Variants in TENM2 observed in about 807,000 individuals in gnomAD.
The protein encoded by TENM2 is teneurin transmembrane protein 2, also known as teneurin-2.
TENM2 carries 52 observed loss-of-function variants against 245.2 expected under a neutral mutation model. The observed-to-expected ratio is 0.21, with a 90% confidence interval of 0.17 to 0.27. The LOEUF (loss-of-function observed/expected upper bound fraction) is 0.27. Among genes scored for constraint, TENM2 ranks in the 10% least tolerant of loss-of-function variants. The pLI, the probability that TENM2 is intolerant of heterozygous loss-of-function variation, is 1.00. For synonymous variants in TENM2, 1,363 were observed against 1,438.9 expected, an observed-to-expected ratio of 0.95 and a Z score of 1.19; for missense variants, 3,046 against 3,666.8, an observed-to-expected ratio of 0.83 and a Z score of 4.37.
At chr5:167,127,681 A>C in the TENM2 span, among the ~76,000 whole-genome samples, 1 of 150,778 alleles carries the variant, frequency 6.6e-6, no homozygotes, top group Admixed American at 6.6e-5. Flanking sequence ...TAATTACTTT[A>C]ATGAGCCTCT....
chr5:167,853,289 C>CAAAAAAAAAAAAAAAAAAAAAAAA lies in TENM2; in HGVS notation c.503-22674_503-22673insAAAAAAAAAAAAAAAAAAAAAAAA, dbSNP rs777170514. On this transcript the variant is annotated intron_variant, in intron 2 of 28. Transcript: ENST00000518659. ...TGGGAGACAGAGCGAGACTCCGTCT[C>CAAAAAAAAAAAAAAAAAAAAAAAA]AAAAAAAAAAAAAAAAAAAAAAAGA... Among the ~76,000 whole-genome samples, 25 of 24,612 alleles carry CAAAAAAAAAAAAAAAAAAAAAAAA rather than the reference C, an allele frequency of 1.0e-3. 3 individuals are homozygous for CAAAAAAAAAAAAAAAAAAAAAAAA. The highest frequency in any genetic ancestry group is 2.5e-3 in the South Asian group (1 of 400). 16.1% of individuals were successfully genotyped at this position (24,612 alleles called of 152,430 possible).
the TENM2 span, among the ~76,000 whole-genome samples, chr5:166,995,338 C>T: frequency 6.6e-6 from 1 of 151,884 alleles, no homozygotes; most frequent in Non-Finnish European, 1.5e-5. Flanking sequence ...CTCCCAGGTT[C>T]ACGCCATTCT....
chr5:168,120,563 A>T (rs548537562), intron 10 of TENM2, among the ~76,000 whole-genome samples: 1 of 152,322 alleles, frequency 6.6e-6, no homozygotes, highest in African/African-American at 2.4e-5. Context: ...TGATTTCTCA[A>T]CTTTCTCACT....
the TENM2 span, among the ~76,000 whole-genome samples, chr5:167,100,930 A>G: frequency 6.6e-6 from 1 of 152,346 alleles, no homozygotes; most frequent in Middle Eastern, 3.4e-3. Context: ...AAAAGGCAGT[A>G]ATTGCAGTTA....
intron 2 of TENM2, among the ~76,000 whole-genome samples, chr5:167,507,018 A>G (rs570220274): frequency 6.6e-6 from 1 of 152,346 alleles, no homozygotes; most frequent in East Asian, 1.9e-4. Context: ...AATTATGAAT[A>G]CATATTATTA....
chr5:167,920,330 T>TA (rs1302068443), intron 3 of TENM2, among the ~76,000 whole-genome samples: 8,097 of 120,450 alleles, frequency 0.067, 741 homozygotes, highest in African/African-American at 0.21. Flanking sequence ...TGTCTCTACT[T>TA]AAAAAAAAAA....
chr5:168,117,893 G>T (rs1300526877), intron 9 of TENM2, among the ~76,000 whole-genome samples: 4 of 152,212 alleles, frequency 2.6e-5, no homozygotes, highest in Non-Finnish European at 5.9e-5. Flanking sequence ...CCACTTCAAA[G>T]TTGGGCCAAC....
At chr5:167,121,670 G>A in the TENM2 span, among the ~76,000 whole-genome samples, 173 of 152,326 alleles carry the variant, frequency 1.1e-3, 1 homozygote, top group African/African-American at 3.9e-3. Flanking sequence ...CAGTCCCCAG[G>A]TTCTTAGCAC....
intron 4 of TENM2, among the ~76,000 whole-genome samples, chr5:167,957,727 A>T (rs777493471): frequency 4.6e-5 from 7 of 152,112 alleles, no homozygotes; most frequent in Non-Finnish European, 7.3e-5. Flanking sequence ...TAATTTTGTT[A>T]TTTACCCAGT....
At chr5:167,028,379 T>A in the TENM2 span, among the ~76,000 whole-genome samples, 1 of 152,148 alleles carries the variant, frequency 6.6e-6, no homozygotes, top group Non-Finnish European at 1.5e-5. Context: ...AATCTAAGGA[T>A]ATACATATAC....
At chr5:168,176,341 C>G (rs532049869) in intron 13 of TENM2, among the ~76,000 whole-genome samples, 2 of 152,338 alleles carry the variant, frequency 1.3e-5, no homozygotes, top group South Asian at 4.1e-4. Flanking sequence ...TTTCCTCTCT[C>G]TCTTCCTCGT....
the TENM2 span, among the ~76,000 whole-genome samples, chr5:167,199,447 T>G: frequency 6.6e-6 from 1 of 152,108 alleles, no homozygotes; most frequent in Non-Finnish European, 1.5e-5. Context: ...CACTGAGTCT[T>G]CCTGGCCCGG....
chr5:167,683,938 G>A (rs542328535), intron 2 of TENM2, among the ~76,000 whole-genome samples: 1 of 152,272 alleles, frequency 6.6e-6, no homozygotes, highest in Admixed American at 6.5e-5. Context: ...TGGCTGGGTG[G>A]CCATTTTGCT....
In TENM2 at chr5:167,947,875, C is replaced by T. The variant is rs1267516066; in HGVS notation, c.713-4713C>T. On this transcript the variant is annotated intron_variant, in intron 3 of 28. Transcript: ENST00000518659. Reference sequence around the variant, plus strand: ...GGCAGGCCCTGACTTTTATTTTTTTCTTTCATATATTTTATCATCATTTCT... The same window carrying T: ...GGCAGGCCCTGACTTTTATTTTTTTTTTTCATATATTTTATCATCATTTCT... Among the ~76,000 whole-genome samples, 3 of 151,962 alleles carry T rather than the reference C, an allele frequency of 2.0e-5. No individual in the cohort carries two copies. In the South Asian group the frequency reaches 6.2e-4, roughly 32 times the overall value.
intron 4 of TENM2, among the ~76,000 whole-genome samples, chr5:167,990,292 T>C (rs1446997512): frequency 1.3e-5 from 2 of 152,170 alleles, no homozygotes; most frequent in Admixed American, 6.5e-5. Context: ...TTGTCAAGCT[T>C]TAAATTAAAA....
chr5:167,930,875 A>G (rs1335269038), intron 3 of TENM2, among the ~76,000 whole-genome samples: 2 of 152,174 alleles, frequency 1.3e-5, no homozygotes, highest in Non-Finnish European at 2.9e-5. Flanking sequence ...TTTTGCTCTG[A>G]TAGAAAATGC....
chr5:167,764,944 A>C (rs1030262003), intron 2 of TENM2, among the ~76,000 whole-genome samples: 2 of 152,188 alleles, frequency 1.3e-5, no homozygotes, highest in Non-Finnish European at 2.9e-5. Flanking sequence ...GATTCATCCC[A>C]GCCTGGGGTG....
At chr5:168,022,266 C>T (rs1040063994) in intron 5 of TENM2, among the ~76,000 whole-genome samples, 7 of 152,222 alleles carry the variant, frequency 4.6e-5, no homozygotes, top group African/African-American at 1.4e-4. Context: ...GGTATCACTC[C>T]GAGAGTCTCC....
intron 13 of TENM2, among the ~76,000 whole-genome samples, chr5:168,174,771 C>T (rs1296196915): frequency 6.6e-6 from 1 of 152,138 alleles, no homozygotes; most frequent in Non-Finnish European, 1.5e-5. Flanking sequence ...AGCATATGGA[C>T]CTTGGGTACA....
Sources: allele counts gnomAD v4.1 joint callset (sites outside exome capture counted in the v4.1 genomes callset), GRCh38; gene constraint gnomAD v4.1.1; transcripts MANE v1.5; gene names NCBI Gene and HGNC (gene_info 2026-07-23, HGNC 2026-07-21).